The following CHD9NB variants were observed in gnomAD, a reference collection of about 807,000 sequenced individuals.
CHD9NB encodes CHD9 neighbor protein.
chr16:53,052,894 C>A, the CHD9NB span: 1 of 170,640 alleles, frequency 5.9e-6, no homozygotes. Flanking sequence ...CAGATGACAC[C>A]TCCTCCTCCT....
chr16:53,040,497 T>A, the CHD9NB span, among the ~76,000 whole-genome samples: 1 of 152,218 alleles, frequency 6.6e-6, no homozygotes, highest in Middle Eastern at 3.2e-3. Flanking sequence ...AGGTCATACA[T>A]TCGCTTCCAA....
chr16:53,051,903 T>C, the CHD9NB span, among the ~76,000 whole-genome samples: 6 of 150,650 alleles, frequency 4.0e-5, no homozygotes, highest in South Asian at 1.0e-3. Context: ...GTTCAGGGCA[T>C]GTGCCTTGGA....
At chr16:53,048,814 A>G in the CHD9NB span, among the ~76,000 whole-genome samples, 10 of 152,164 alleles carry the variant, frequency 6.6e-5, no homozygotes, top group Non-Finnish European at 1.3e-4. Context: ...GAAGCTGGGG[A>G]CATAAGCACC....
chr16:53,044,331 C>T, the CHD9NB span: 2 of 395,108 alleles, frequency 5.1e-6, no homozygotes, highest in East Asian at 7.2e-5. Flanking sequence ...AAGGAGCCCC[C>T]TGTGGGGTGG....
chr16:53,039,698 T>C, the CHD9NB span, among the ~76,000 whole-genome samples: 4 of 151,514 alleles, frequency 2.6e-5, no homozygotes, highest in Non-Finnish European at 4.4e-5. Context: ...TGAGCCAAGA[T>C]TGTGCTACTG....
chr16:53,051,421 A>G, the CHD9NB span, among the ~76,000 whole-genome samples: 1 of 152,106 alleles, frequency 6.6e-6, no homozygotes, highest in Non-Finnish European at 1.5e-5. Flanking sequence ...CATATACATC[A>G]TGGAGTACTA....
the CHD9NB span, among the ~76,000 whole-genome samples, chr16:53,038,551 A>T: frequency 1.3e-5 from 2 of 152,142 alleles, no homozygotes; most frequent in Non-Finnish European, 2.9e-5. Flanking sequence ...AGGTTTTGCC[A>T]TGTTGGCCAG....
the CHD9NB span, among the ~76,000 whole-genome samples, chr16:53,037,984 C>T: frequency 1.3e-5 from 2 of 152,282 alleles, no homozygotes; most frequent in East Asian, 3.9e-4. Context: ...CCATGTTATG[C>T]CATTGGTATG....
chr16:53,051,773 ATATATATATATAT>A, the CHD9NB span, among the ~76,000 whole-genome samples: 1 of 20,634 alleles, frequency 4.8e-5, no homozygotes, highest in Non-Finnish European at 1.9e-4. Flanking sequence ...GTATAAATAT[ATATATATATATAT>A]ATATATATAT....
At chr16:53,039,995 G>A in the CHD9NB span, among the ~76,000 whole-genome samples, 26 of 152,006 alleles carry the variant, frequency 1.7e-4, no homozygotes, top group Non-Finnish European at 2.6e-4. Context: ...TTCTTCTGCC[G>A]AAAGACACCC....
the CHD9NB span, among the ~76,000 whole-genome samples, chr16:53,049,625 C>G: frequency 1.3e-5 from 2 of 152,072 alleles, no homozygotes; most frequent in African/African-American, 4.8e-5. Flanking sequence ...CTAGAGCAGG[C>G]CACATTTGAG....
the CHD9NB span, among the ~76,000 whole-genome samples, chr16:53,049,050 G>A: frequency 1.3e-5 from 2 of 152,146 alleles, no homozygotes; most frequent in African/African-American, 4.8e-5. Flanking sequence ...ATAGAGATGG[G>A]GTCGCACTAT....
chr16:53,044,061 G>A, the CHD9NB span: 7 of 398,674 alleles, frequency 1.8e-5, no homozygotes, highest in African/African-American at 1.0e-4. Flanking sequence ...TGCTGCCTGG[G>A]TGCCGGTCTC....
chr16:53,040,337 G>T, the CHD9NB span, among the ~76,000 whole-genome samples: 1 of 151,992 alleles, frequency 6.6e-6, no homozygotes, highest in Admixed American at 6.6e-5. Flanking sequence ...GCCTCCCAAA[G>T]TGCTGGGATT....
chr16:53,037,526 T>C, the CHD9NB span, among the ~76,000 whole-genome samples: 3 of 151,714 alleles, frequency 2.0e-5, no homozygotes, highest in Non-Finnish European at 2.9e-5. Context: ...AATGAGGGAG[T>C]GTGGAAGGTC....
chr16:53,044,455 C>T, the CHD9NB span, among the ~76,000 whole-genome samples: 1 of 152,188 alleles, frequency 6.6e-6, no homozygotes, highest in African/African-American at 2.4e-5. Context: ...CAAATCATCC[C>T]ACCACCACCT....
At chr16:53,042,288 TTC>T in the CHD9NB span, among the ~76,000 whole-genome samples, 3 of 142,010 alleles carry the variant, frequency 2.1e-5, no homozygotes, top group Admixed American at 7.1e-5. Context: ...CCCCTCTCCT[TTC>T]TCTCCCTTCC....
the CHD9NB span, chr16:53,044,214 T>A: frequency 1.0e-5 from 4 of 398,550 alleles, no homozygotes; most frequent in Non-Finnish European, 1.8e-5. Flanking sequence ...GAGGAAGGTC[T>A]GTGCCTTCCT....
chr16:53,038,761 G>C, the CHD9NB span, among the ~76,000 whole-genome samples: 1 of 152,090 alleles, frequency 6.6e-6, no homozygotes, highest in Non-Finnish European at 1.5e-5. Context: ...AAGGAAATGT[G>C]GGAATTTACA....
Sources: gnomAD v4.1 joint callset for allele counts (sites outside exome capture counted in the v4.1 genomes callset) on GRCh38, gnomAD v4.1.1 for gene constraint, MANE v1.5 for transcripts, NCBI Gene and HGNC (gene_info 2026-07-23, HGNC 2026-07-21) for gene names.